The following TMEM132D variants were observed in gnomAD, a reference collection of about 807,000 sequenced individuals.
TMEM132D encodes the protein mature OL transmembrane protein.
A neutral mutation model predicts 62.3 loss-of-function variants in TMEM132D; 21 were observed. That is an observed-to-expected ratio of 0.34 (90% confidence interval 0.24 to 0.49). The LOEUF is 0.49. TMEM132D is among the 20% of genes least tolerant of loss of function. TMEM132D has a pLI of 0.99. For missense variants in TMEM132D, 1,346 were observed against 1,402.8 expected (o/e 0.96, Z 0.65); for synonymous variants, 621 against 575.6 (o/e 1.08, Z -1.13).
chr12:129,669,729 TAAATAAATAAAC>T (rs1880458947), intron 2 of TMEM132D, among the ~76,000 whole-genome samples: 1 of 81,526 alleles, frequency 1.2e-5, no homozygotes, highest in Non-Finnish European at 2.7e-5. Context: ...AATAAATAAA[TAAATAAATAAAC>T]AAACAAACAA....
chr12:129,697,529 C>T (rs766994847), intron 2 of TMEM132D, among the ~76,000 whole-genome samples: 14 of 152,104 alleles, frequency 9.2e-5, no homozygotes, highest in Non-Finnish European at 1.5e-4. Context: ...AGCATCGTAC[C>T]GAGGTAAACA....
intron 4 of TMEM132D, among the ~76,000 whole-genome samples, chr12:129,233,347 C>A (rs1484176400): frequency 6.6e-6 from 1 of 152,092 alleles, no homozygotes; most frequent in Non-Finnish European, 1.5e-5. Context: ...TGGTTTCTTT[C>A]CCTGAGTTAT....
At chr12:129,424,796 T>C (rs747905025) in intron 3 of TMEM132D, among the ~76,000 whole-genome samples, 26 of 151,554 alleles carry the variant, frequency 1.7e-4, no homozygotes, top group Non-Finnish European at 2.6e-4. Flanking sequence ...AAAACAAGTG[T>C]ATTGAGACAT....
intron 4 of TMEM132D, among the ~76,000 whole-genome samples, chr12:129,213,484 G>A (rs575859503): frequency 3.0e-3 from 453 of 150,630 alleles, no homozygotes; most frequent in African/African-American, 0.01. Flanking sequence ...GCAACAGAGC[G>A]AGGCCTTCTC....
At chr12:129,266,003 CAATA>C (rs1404855838) in intron 4 of TMEM132D, among the ~76,000 whole-genome samples, 9 of 152,050 alleles carry the variant, frequency 5.9e-5, no homozygotes, top group African/African-American at 2.2e-4. Flanking sequence ...AGTAGGTGCC[CAATA>C]AATAGGTGCA....
At chr12:129,213,623 G>T (rs1321933307) in intron 4 of TMEM132D, among the ~76,000 whole-genome samples, 4 of 152,226 alleles carry the variant, frequency 2.6e-5, no homozygotes, top group African/African-American at 9.6e-5. Flanking sequence ...AGAAAGCCTT[G>T]TGGAGGAGGG....
At chr12:129,781,858 A>T (rs1871130292) in intron 1 of TMEM132D, among the ~76,000 whole-genome samples, 1 of 152,218 alleles carries the variant, frequency 6.6e-6, no homozygotes, top group Non-Finnish European at 1.5e-5. Flanking sequence ...CTTATTCAAG[A>T]AAATATGAGA....
chr12:129,214,157 G>C (rs556740022), intron 4 of TMEM132D, among the ~76,000 whole-genome samples: 1 of 152,364 alleles, frequency 6.6e-6, no homozygotes, highest in South Asian at 2.1e-4. Context: ...GAACACTGCT[G>C]TGCTAGGGTA....
At position 129,447,117 on chromosome 12, in the gene TMEM132D, C is replaced by T. The variant is rs573555998; in HGVS notation, c.1115+83942G>A. Among the ~76,000 whole-genome samples the T allele has an allele frequency of 3.7e-4, 56 of 152,300 alleles. 1 individual carries two copies. The Middle Eastern group carries it at 0.014, about 37-fold the overall frequency. ...CTCTCTGTCTCTCTCCTCTCATCTT[C>T]CCTGACACTGGGAAAGTGACTTGGT... On this transcript the variant is annotated intron_variant, in intron 3 of 8. Transcript: ENST00000422113.
At chr12:129,401,600 G>A (rs1390943583) in intron 3 of TMEM132D, among the ~76,000 whole-genome samples, 1 of 151,984 alleles carries the variant, frequency 6.6e-6, no homozygotes, top group African/African-American at 2.4e-5. Context: ...AAAAAGGTGT[G>A]GTTTAGGTAC....
At chr12:129,416,629 C>A (rs369917686) in intron 3 of TMEM132D, among the ~76,000 whole-genome samples, 1 of 152,128 alleles carries the variant, frequency 6.6e-6, no homozygotes, top group Non-Finnish European at 1.5e-5. Flanking sequence ...TTGTCTTGTG[C>A]CGGTTTTCAA....
chr12:129,615,357 G>T (rs1008758761), intron 2 of TMEM132D, among the ~76,000 whole-genome samples: 9 of 151,958 alleles, frequency 5.9e-5, no homozygotes, highest in African/African-American at 2.2e-4. Flanking sequence ...TAGGTGAAAG[G>T]TTACAAAAGG....
At chr12:129,469,183 G>C (rs1192419502) in intron 3 of TMEM132D, among the ~76,000 whole-genome samples, 1 of 152,188 alleles carries the variant, frequency 6.6e-6, no homozygotes, top group Non-Finnish European at 1.5e-5. Flanking sequence ...GAAAGCAAGA[G>C]TGACGTTCTG....
chr12:129,870,555 G>A (rs895288239), intron 1 of TMEM132D, among the ~76,000 whole-genome samples: 7 of 152,104 alleles, frequency 4.6e-5, no homozygotes, highest in African/African-American at 7.2e-5. Flanking sequence ...GCAAAAGCTC[G>A]GCATCCCTCC....
At chr12:129,240,055 C>T (rs573463105) in intron 4 of TMEM132D, among the ~76,000 whole-genome samples, 1 of 152,252 alleles carries the variant, frequency 6.6e-6, no homozygotes, top group Admixed American at 6.5e-5. Flanking sequence ...AAGAGGTAGA[C>T]TTCCATTTTC....
intron 2 of TMEM132D, among the ~76,000 whole-genome samples, chr12:129,642,919 TC>T (rs1879676032): frequency 1.6e-5 from 2 of 124,612 alleles, no homozygotes; most frequent in South Asian, 2.5e-4. Flanking sequence ...AATTTACAAA[TC>T]TTTTTTTTTT....
At position 129,835,602 on chromosome 12, in the gene TMEM132D, T is replaced by G. The variant is rs532857532; in HGVS notation, c.79+67659A>C. Among the ~76,000 whole-genome samples the G allele has an allele frequency of 2.0e-5, 3 of 152,206 alleles. No individual in the cohort carries two copies. The South Asian group carries it at 6.2e-4, about 32-fold the overall frequency. ...TACCACACCGAGCCTGTGCATGAGG[T>G]TTTAAAAAATCATGCGCAAAAAAGA... is the stretch of plus-strand genomic sequence containing the variant. On this transcript the variant is annotated intron_variant, in intron 1 of 8. Coordinates refer to ENST00000422113, the MANE Select transcript of TMEM132D (RefSeq NM_133448.3).
chr12:129,656,463 G>C (rs1880081586), intron 2 of TMEM132D, among the ~76,000 whole-genome samples: 2 of 152,164 alleles, frequency 1.3e-5, no homozygotes, highest in Non-Finnish European at 2.9e-5. Context: ...AGGAGTCAAG[G>C]CATTTAAAGC....
chr12:129,509,281 T>G (rs893285202), intron 3 of TMEM132D, among the ~76,000 whole-genome samples: 1 of 152,188 alleles, frequency 6.6e-6, no homozygotes, highest in African/African-American at 2.4e-5. Flanking sequence ...TTTATTAAAT[T>G]TATTAAATTA....
Sources: gnomAD v4.1 joint callset for allele counts (sites outside exome capture counted in the v4.1 genomes callset) on GRCh38, gnomAD v4.1.1 for gene constraint, MANE v1.5 for transcripts, NCBI Gene and HGNC (gene_info 2026-07-23, HGNC 2026-07-21) for gene names.